The following IRS4 variants were observed in gnomAD, a reference collection of about 807,000 sequenced individuals.
IRS4 encodes insulin receptor substrate 4.
Under a neutral mutation model 48.6 loss-of-function variants are expected in IRS4, and 15 were observed. That is an observed-to-expected ratio of 0.31 (90% CI 0.21 to 0.48). IRS4 has a LOEUF of 0.48. Among genes scored for constraint, IRS4 ranks in the 20% least tolerant of loss-of-function variants. The pLI, the probability that IRS4 is intolerant of heterozygous loss-of-function variation, is 0.99. For missense variants in IRS4, 987 were observed against 1,023.4 expected (o/e 0.96, Z 0.49); for synonymous variants, 459 against 413.2 (o/e 1.11, Z -1.34).
intron 1 of IRS4, among the ~76,000 whole-genome samples, chrX:108,728,097 C>T (rs937377417): frequency 5.3e-5 from 6 of 112,322 alleles, no homozygotes; most frequent in Non-Finnish European, 9.4e-5. Context: ...TTACTGAATG[C>T]ACCCTCAATT....
chrX:108,734,192 A>T lies in IRS4; in HGVS notation c.2153T>A (p.Met718Lys). The change falls in exon 1 of 2, where the codon ATG (methionine) becomes AAG (lysine). Residue 718 changes from methionine to lysine, a missense_variant. Met to Lys is a moderately conservative substitution (Grantham distance 95). This residue lies in a region of IRS4 where 720 missense variants were observed against 660.3 expected (regional missense o/e 1.09). Coordinates refer to ENST00000372129, the MANE Select transcript of IRS4 (RefSeq NM_001379150.1). The stretch of plus-strand genomic sequence containing the variant: ...AGAGACATTTTGAGGAGCCATTGGC[A>T]TATAATCACTGGAGCTTACAAGAGG... ...ATPLVSSSDY[M>K]PMAPQNVSAS... is the part of the protein sequence containing the mutation. 8 of 1,208,907 alleles carry T rather than the reference A, an allele frequency of 6.6e-6. No homozygotes were observed. Among genetic ancestry groups the T allele is most frequent in the Non-Finnish European group, 1.1e-6 (1 of 894,960 alleles).
intron 1 of IRS4, chrX:108,726,596 T>C (rs1383748189): frequency 8.9e-6 from 1 of 111,733 alleles, no homozygotes; most frequent in East Asian, 2.8e-4. Flanking sequence ...AAGGGCCCCA[T>C]GGATACACAT....
In IRS4 at chrX:108,731,801, G is replaced by A. The variant is rs1232768355; in HGVS notation, c.3766+778C>T. On this transcript the variant is annotated intron_variant, in intron 1 of 1. Transcript: ENST00000372129. ...TCACCACACCCTCTTTTAGAAGGGT[G>A]GGGGGTTAAAAGAAGAAAATGAGGC... Among the ~76,000 whole-genome samples the A allele has an allele frequency of 4.5e-5, 5 of 111,799 alleles. No homozygotes were observed. In the Admixed American group the frequency reaches 4.7e-4, roughly 11 times the overall value.
intron 1 of IRS4, chrX:108,726,029 A>T (rs1293835962): frequency 8.9e-6 from 1 of 112,220 alleles, no homozygotes; most frequent in Non-Finnish European, 1.9e-5. Flanking sequence ...CAACACACAC[A>T]TGGGCCACTT....
At position 108,736,278 on chromosome X, in the gene IRS4, C is replaced by A; in HGVS notation, c.67G>T (p.Ala23Ser). Reference protein sequence around the residue: ...RRLRGAAAAAAAALAAVVTTP... With the variant: ...RRLRGAAAAASAALAAVVTTP... ...GTCACCACTGCTGCTAGAGCTGCCG[C>A]TGCCGCCGCTGCTGCACCTCTTAGT... is the stretch of plus-strand genomic sequence containing the variant. The change falls in exon 1 of 2, where the codon GCG becomes TCG. Residue 23 changes from alanine (A) to serine (S), a missense_variant. Physicochemically the swap from Ala to Ser is moderately conservative, Grantham distance 99 (BLOSUM62 1). Coordinates refer to ENST00000372129, the MANE Select transcript of IRS4 (RefSeq NM_001379150.1). 8.4e-7 allele frequency: 1 copy of A among 1,196,729 alleles called. No homozygotes were observed. Among genetic ancestry groups the A allele is most frequent in the Non-Finnish European group, 1.1e-6 (1 of 887,601 alleles).
chrX:108,720,682 A>C lies in IRS4; in HGVS notation c.*1837T>G, dbSNP rs2068852747. On this transcript the variant is annotated 3_prime_UTR_variant, in exon 2 of 2. Transcript: ENST00000372129. ...AGAAGGCTTGAAAAAAAGTTGCCTA[A>C]AGAGCGCGTTGTTATAATGAACAAA... The C allele has an allele frequency of 8.9e-6, 1 of 112,148 alleles. No homozygotes were observed. The highest frequency in any genetic ancestry group is 3.2e-5 in the African/African-American group (1 of 30,823). 9.2% of individuals were successfully genotyped at this position (112,148 alleles called of 1,213,427 possible). A position where few individuals can be genotyped will look rare whatever the true frequency, so the allele number is the denominator to read the frequency against.
rs1318161909 is a variant in IRS4 at position 108,734,635 on chromosome X, T to G, written c.1710A>C (p.Ser570=). The change falls in exon 1 of 2, where the codon TCA becomes TCC. Residue 570 remains serine, a synonymous_variant. Transcript: ENST00000372129. ...GGQRPGGGHG[S]GGGQGPGDGH... ...CATCTCCAGGTCCCTGGCCACCACCTGAGCCATGCCCACCTCCAGGTCTCT... is the reference window on the plus strand; with the variant it reads ...CATCTCCAGGTCCCTGGCCACCACCGGAGCCATGCCCACCTCCAGGTCTCT... The G allele has an allele frequency of 1.7e-6, 2 of 1,211,596 alleles. No individual in the cohort carries two copies. The highest frequency in any genetic ancestry group is 2.2e-6 in the Non-Finnish European group (2 of 895,402).
chrX:108,730,304 CCA>C, intron 1 of IRS4, among the ~76,000 whole-genome samples: 1 of 105,615 alleles, frequency 9.5e-6, no homozygotes, highest in Non-Finnish European at 2.0e-5. Context: ...ATCAACACCA[CCA>C]CCACCACCAC....
intron 1 of IRS4, among the ~76,000 whole-genome samples, chrX:108,725,492 G>A (rs1036781745): frequency 9.9e-5 from 10 of 101,301 alleles, no homozygotes; most frequent in African/African-American, 2.8e-4. Flanking sequence ...AGCAAAGAAA[G>A]ATATGTTGAA....
chrX:108,733,423 G>T lies in IRS4; in HGVS notation c.2922C>A (p.Asp974Glu). 8.3e-7 allele frequency: 1 copy of T among 1,211,341 alleles called. No homozygotes were observed. The highest frequency in any genetic ancestry group is 2.2e-5 in the Admixed American group (1 of 46,026). Residue 974 changes from aspartate to glutamate, a missense_variant, in exon 1 of 2, where the codon GAC becomes GAA. Transcript: ENST00000372129. ...FGVPFPNPANDLSDLLRAIPR... is the reference protein window; with the variant it reads ...FGVPFPNPANELSDLLRAIPR... The stretch of plus-strand genomic sequence containing the variant: ...GTATAGCTCTTAAAAGATCTGAGAG[G>T]TCGTTTGCTGGATTTGGAAATGGCA...
rs1172234443 is a variant in IRS4 at position 108,734,387 on chromosome X, A to T, written c.1958T>A (p.Phe653Tyr). ...TGGKGKSGGR[F>Y]RLYFCVDRGA... is the part of the protein sequence containing the mutation. ...TCTGTCAACACAAAAATAAAGTCTG[A>T]ATCTTCCCCCAGACTTCCCTTTTCC... The change falls in exon 1 of 2, where the codon TTC (phenylalanine) becomes TAC (tyrosine). Residue 653 changes from phenylalanine (F) to tyrosine (Y), a missense_variant. Around this residue, in one of 4 missense-constraint regions of IRS4, gnomAD observed 720 missense variants for 660.3 expected, o/e 1.09. Coordinates refer to ENST00000372129, the MANE Select transcript of IRS4 (RefSeq NM_001379150.1). The T allele has an allele frequency of 4.1e-6, 5 of 1,211,316 alleles. No individual in the cohort carries two copies. The African/African-American group carries it at 5.2e-5, about 13-fold the overall frequency.
chrX:108,725,460 C>CAAAAAAA (rs397968164), intron 1 of IRS4, among the ~76,000 whole-genome samples: 5 of 59,812 alleles, frequency 8.4e-5, no homozygotes, highest in African/African-American at 2.9e-4. Context: ...AGTAAAGCAC[C>CAAAAAAA]AAAAAAAAAA....
chrX:108,727,894 C>G (rs1464107113), intron 1 of IRS4, among the ~76,000 whole-genome samples: 1 of 112,378 alleles, frequency 8.9e-6, no homozygotes, highest in Non-Finnish European at 1.9e-5. Flanking sequence ...TATTGCTACA[C>G]TGCTTATTCT....
intron 1 of IRS4, among the ~76,000 whole-genome samples, chrX:108,725,210 G>A (rs978587520): frequency 1.8e-5 from 2 of 110,622 alleles, no homozygotes; most frequent in East Asian, 5.6e-4. Flanking sequence ...TTTGAAGTCC[G>A]AAACAGCAGT....
chrX:108,732,642 C>G lies in IRS4; in HGVS notation c.3703G>C (p.Asp1235His). The part of the protein sequence containing the change: ...PPEREDSDND[D>H]DTHVRMDFAR... ...AAATCCATTCTCACGTGAGTGTCGTCGTCGTTGTCAGAATCTTCTCTCTCC... is the reference window on the plus strand; with the variant it reads ...AAATCCATTCTCACGTGAGTGTCGTGGTCGTTGTCAGAATCTTCTCTCTCC... Residue 1235 changes from aspartate to histidine, a missense_variant, in exon 1 of 2, where the codon GAC becomes CAC. Around this residue, in one of 4 missense-constraint regions of IRS4, gnomAD observed 720 missense variants for 660.3 expected, o/e 1.09. Transcript: ENST00000372129. 8.3e-7 allele frequency: 1 copy of G among 1,211,780 alleles called. No homozygotes were observed. The highest frequency in any genetic ancestry group is 1.8e-5 in the South Asian group (1 of 56,996).
At position 108,736,317 on chromosome X, in the gene IRS4, G is replaced by A; in HGVS notation, c.28C>T (p.Gln10Ter). The A allele has an allele frequency of 8.3e-7, 1 of 1,211,391 alleles. No homozygotes were observed. The highest frequency in any genetic ancestry group is 1.1e-6 in the Non-Finnish European group (1 of 895,421). ...GCACCTCTTAGTCTTCTTGTCGCTT[G>A]GTCGCGAGTGAAGGAGCAACTCGCC... MASCSFTRD[Q>*]ATRRLRGAAA... is the part of the protein sequence containing the mutation. Residue 10 changes from glutamine to a stop codon, truncating the protein, a stop_gained, in exon 1 of 2, where the codon CAA becomes TAA. Transcript: ENST00000372129. LOFTEE classifies it high-confidence loss of function.
At position 108,734,525 on chromosome X, in the gene IRS4, C is replaced by T; in HGVS notation, c.1820G>A (p.Gly607Glu). Residue 607 changes from glycine (G) to glutamate (E), a missense_variant, in exon 1 of 2, where the codon GGA (glycine) becomes GAA (glutamate). Around this residue, in one of 4 missense-constraint regions of IRS4, gnomAD observed 720 missense variants for 660.3 expected, o/e 1.09. Transcript: ENST00000372129. ...ATAGGATCTTTTCTTCAGAGATTTT[C>T]CACGTTCACCATCACCATCGGATCC... ...GKGSDGDGER[G>E]KSLKKRSYFG... The T allele has an allele frequency of 8.3e-7, 1 of 1,211,364 alleles. No individual in the cohort carries two copies. Among genetic ancestry groups the T allele is most frequent in the Non-Finnish European group, 1.1e-6 (1 of 895,452 alleles).
In IRS4 at chrX:108,721,325, G is replaced by T. The variant is rs1042352086; in HGVS notation, c.*1194C>A. 9.0e-6 allele frequency: 1 copy of T among 111,099 alleles called. No homozygotes were observed. The highest frequency in any genetic ancestry group is 9.5e-5 in the Admixed American group (1 of 10,475). 9.2% of individuals were successfully genotyped at this position (111,099 alleles called of 1,213,427 possible). On this transcript the variant is annotated 3_prime_UTR_variant, in exon 2 of 2. Coordinates refer to ENST00000372129, the MANE Select transcript of IRS4 (RefSeq NM_001379150.1). ...CCTTGCTAGTGTCACGTTCTCAAAG[G>T]TCCAGGTACCTAAAATCTTAATTCA...
rs2068858713 is a variant in IRS4 at position 108,722,282 on chromosome X, A to G, written c.*237T>C. ...AGGAAAACCAGAAAACAAAAAACAA[A>G]GCACAGTGTAAATATTGTTAATTAG... On this transcript the variant is annotated 3_prime_UTR_variant, in exon 2 of 2. Transcript: ENST00000372129. 1.2e-5 allele frequency: 2 copies of G among 166,587 alleles called. No homozygotes were observed. Among genetic ancestry groups the G allele is most frequent in the Non-Finnish European group, 2.4e-5 (2 of 84,845 alleles). 13.7% of individuals were successfully genotyped at this position (166,587 alleles called of 1,213,427 possible). A position where few individuals can be genotyped will look rare whatever the true frequency, so the allele number is the denominator to read the frequency against.
Sources: gnomAD v4.1 joint callset for allele counts (sites outside exome capture counted in the v4.1 genomes callset) on GRCh38, gnomAD v4.1.1 for gene constraint, gnomAD v4.1.1 regional missense constraint, MANE v1.5 for transcripts, NCBI Gene and HGNC (gene_info 2026-07-23, HGNC 2026-07-21) for gene names.